STK31: variants seen among roughly 807,000 people sequenced by gnomAD.
STK31 encodes serine/threonine-protein kinase 31.
Under a neutral mutation model 129.7 loss-of-function variants are expected in STK31, and 89 were observed. The ratio of observed to expected loss-of-function variants is 0.69; its 90% CI spans 0.58 to 0.82. The LOEUF is 0.82. STK31 is among the 40% of genes least tolerant of loss of function. The pLI is 0.00. For missense variants in STK31, 1,187 were observed against 1,176.4 expected (o/e 1.01, Z -0.13); for synonymous variants, 448 against 395.3 (o/e 1.13, Z -1.58).
chr7:23,830,041 C>T (rs1794444707), intron 23 of STK31, among the ~76,000 whole-genome samples: 2 of 152,024 alleles, frequency 1.3e-5, no homozygotes, highest in Non-Finnish European at 2.9e-5. Context: ...GCTCCGCCTC[C>T]CGGGTTCATG....
intron 10 of STK31, among the ~76,000 whole-genome samples, chr7:23,761,987 T>A (rs990305873): frequency 6.3e-4 from 96 of 151,578 alleles, no homozygotes; most frequent in African/African-American, 2.1e-3. Context: ...TTTAAAATAA[T>A]CTGGTTGAGC....
intron 8 of STK31, among the ~76,000 whole-genome samples, chr7:23,742,807 AG>A (rs1249877458): frequency 1.3e-5 from 2 of 152,050 alleles, no homozygotes; most frequent in Non-Finnish European, 2.9e-5. Flanking sequence ...CCTGTGGAAA[AG>A]GCACACACTA....
At chr7:23,721,668 A>T (rs1786707496) in intron 4 of STK31, 1 of 811,294 alleles carries the variant, frequency 1.2e-6, no homozygotes, top group East Asian at 2.4e-5. Flanking sequence ...CTGACAGCAC[A>T]GGGAGGGAGT....
chr7:23,786,732 C>T, intron 19 of STK31, 99 bp downstream of exon 19: 1 of 1,543,444 alleles, frequency 6.5e-7, no homozygotes, highest in South Asian at 1.2e-5. Context: ...AGCAGCAGTT[C>T]ATTCCCCTTA....
chr7:23,716,360 A>G (rs1786322523), intron 3 of STK31, among the ~76,000 whole-genome samples: 1 of 152,092 alleles, frequency 6.6e-6, no homozygotes, highest in Non-Finnish European at 1.5e-5. Context: ...ATTGATGATA[A>G]CCTTGATTCA....
chr7:23,793,914 A>G (rs1456422291), intron 22 of STK31, among the ~76,000 whole-genome samples: 2 of 152,244 alleles, frequency 1.3e-5, no homozygotes, highest in Non-Finnish European at 2.9e-5. Context: ...ATATGTCCAC[A>G]CAAAGATTTG....
rs759239289 is a variant in STK31 at position 23,769,714 on chromosome 7, G to A, written c.1671G>A (p.Lys557=). 2.5e-6 allele frequency: 4 copies of A among 1,610,394 alleles called. No individual in the cohort carries two copies. In the Admixed American group the frequency reaches 6.7e-5, roughly 27 times the overall value. The part of the protein sequence containing the change: ...AMDNIDEILE[K]TESSVCKELE... ...ATAATATTGATGAAATCCTAGAGAA[G>A]ACTGAGTCAAGTGTCTGCAAAGAGC... Residue 557 remains lysine (K), a synonymous_variant, in exon 13 of 24, where the codon AAG becomes AAA. Transcript: ENST00000355870.
chr7:23,739,079 T>A (rs1240465852), intron 8 of STK31, among the ~76,000 whole-genome samples: 3 of 152,252 alleles, frequency 2.0e-5, no homozygotes, highest in Non-Finnish European at 4.4e-5. Flanking sequence ...TTGAACTAAT[T>A]CATACTCCCA....
chr7:23,821,541 T>G (rs930263478), intron 23 of STK31, among the ~76,000 whole-genome samples: 2 of 152,204 alleles, frequency 1.3e-5, no homozygotes, highest in African/African-American at 2.4e-5. Context: ...TTGTATATTC[T>G]GGATATTAGT....
At chr7:23,801,989 T>C (rs1346544826) in intron 22 of STK31, among the ~76,000 whole-genome samples, 2 of 152,248 alleles carry the variant, frequency 1.3e-5, no homozygotes, top group Non-Finnish European at 2.9e-5. Flanking sequence ...AGATTTTAGC[T>C]ATTCAGCTAT....
Position 23,754,367 on chromosome 7 carries a change from G to A in STK31, c.1186G>A (p.Val396Met). 6.2e-7 allele frequency: 1 copy of A among 1,614,046 alleles called. No homozygotes were observed. The highest frequency in any genetic ancestry group is 8.5e-7 in the Non-Finnish European group (1 of 1,179,978). ...AAAAGACCTTTCAGATGCTATACAA[G>A]TGTTGGATGAAGGGTGCTTTACTAC... ...FGKDLSDAIQVLDEGCFTTPA... is the reference protein window; with the variant it reads ...FGKDLSDAIQMLDEGCFTTPA... The change falls in exon 10 of 24, where the codon GTG (valine) becomes ATG (methionine). Residue 396 changes from valine to methionine, a missense_variant. Transcript: ENST00000355870.
intron 22 of STK31, among the ~76,000 whole-genome samples, chr7:23,810,742 AATAG>A (rs1191157151): frequency 3.2e-5 from 4 of 124,794 alleles, no homozygotes; most frequent in Admixed American, 1.8e-4. Flanking sequence ...ATATATATAA[AATAG>A]ATATATATAA....
intron 10 of STK31, among the ~76,000 whole-genome samples, chr7:23,757,305 A>G (rs979731473): frequency 6.6e-6 from 1 of 152,100 alleles, no homozygotes; most frequent in African/African-American, 2.4e-5. Context: ...AGTATAGAGA[A>G]AGAAAAGTGG....
chr7:23,812,730 T>C (rs1793217997), intron 22 of STK31, among the ~76,000 whole-genome samples: 1 of 152,114 alleles, frequency 6.6e-6, no homozygotes, highest in African/African-American at 2.4e-5. Context: ...ATATGCACAT[T>C]TTATTTAGCT....
rs1490041658 is a variant in STK31, at chr7:23,730,871, TA to T, written c.483+1623del. On this transcript the variant is annotated intron_variant, in intron 6 of 23. Coordinates refer to ENST00000355870, the MANE Select transcript of STK31 (RefSeq NM_031414.5). ...ATATAAACATTTATATATATATATA[TA>T]TATATATTTTTTTTTTTTTTTTTTG... Among the ~76,000 whole-genome samples the T allele has an allele frequency of 4.3e-3, 221 of 50,888 alleles. 3 individuals are homozygous for T. Among genetic ancestry groups the T allele is most frequent in the African/African-American group, 7.2e-3 (137 of 19,120 alleles). The allele number at this position is 50,888 out of a possible 152,430, so 33.4% of individuals were successfully genotyped here.
intron 22 of STK31, chr7:23,811,304 G>A (rs976473739): frequency 1.4e-5 from 6 of 415,482 alleles, no homozygotes; most frequent in Non-Finnish European, 2.4e-5. Context: ...GATTTGTTCT[G>A]CAGCTTCTGC....
intron 8 of STK31, among the ~76,000 whole-genome samples, chr7:23,746,165 G>C (rs1297063801): frequency 6.6e-6 from 1 of 152,148 alleles, no homozygotes; most frequent in African/African-American, 2.4e-5. Flanking sequence ...GCTTAGGATT[G>C]GGGGGTGGGT....
chr7:23,826,999 C>T lies in STK31; in HGVS notation c.2830-5137C>T, dbSNP rs188536408. 2.4e-3 allele frequency among the ~76,000 whole-genome samples: 368 copies of T among 152,190 alleles called. 2 individuals are homozygous for T. The highest frequency in any genetic ancestry group is 8.3e-3 in the African/African-American group (346 of 41,518). ...GATGGGCTTCCCTTTGTGGGTTACC[C>T]GACCTTTCTAAACTCTGGCTGCCGT... On this transcript the variant is annotated intron_variant, in intron 23 of 23. Transcript: ENST00000355870.
chr7:23,773,083 T>C (rs1221265757), intron 15 of STK31, among the ~76,000 whole-genome samples: 1 of 152,158 alleles, frequency 6.6e-6, no homozygotes, highest in Non-Finnish European at 1.5e-5. Flanking sequence ...CTGGGATACA[T>C]GTGCAGAATG....
Sources: allele counts gnomAD v4.1 joint callset (sites outside exome capture counted in the v4.1 genomes callset), GRCh38; gene constraint gnomAD v4.1.1; transcripts MANE v1.5; gene names NCBI Gene and HGNC (gene_info 2026-07-23, HGNC 2026-07-21).